Variants in PDLIM5 observed in about 807,000 individuals in gnomAD.
PDLIM5 encodes PDZ and LIM domain protein 5.
PDLIM5 carries 34 observed loss-of-function variants against 64.2 expected under a neutral mutation model. The observed-to-expected ratio is 0.53, with a 90% CI of 0.40 to 0.71. The LOEUF is 0.71. Among genes scored for constraint, PDLIM5 ranks in the 30% least tolerant of loss-of-function variants. The pLI is 0.00. For missense variants in PDLIM5, 683 were observed against 733.6 expected, an observed-to-expected ratio of 0.93 and a Z score of 0.80; for synonymous variants, 253 against 269.1, an observed-to-expected ratio of 0.94 and a Z score of 0.59.
chr4:94,489,059 A>G (rs560496934), intron 2 of PDLIM5: 1 of 152,344 alleles, frequency 6.6e-6, no homozygotes, highest in Non-Finnish European at 1.5e-5. Flanking sequence ...TCCTTTTGGA[A>G]TGGTCATAAA....
intron 2 of PDLIM5, among the ~76,000 whole-genome samples, chr4:94,505,504 T>G (rs1728311698): frequency 6.6e-6 from 1 of 152,088 alleles, no homozygotes; most frequent in African/African-American, 2.4e-5. Context: ...TCAAGTGATC[T>G]GCCCACCTCA....
At chr4:94,532,075 A>G (rs1044510588) in intron 3 of PDLIM5, among the ~76,000 whole-genome samples, 3 of 152,148 alleles carry the variant, frequency 2.0e-5, no homozygotes, top group Non-Finnish European at 4.4e-5. Context: ...CCTATTGACT[A>G]TATTTGCTAG....
rs201779897 is a variant in PDLIM5 at position 94,585,547 on chromosome 4, T to G, written c.711-18T>G. 2.0e-5 allele frequency: 30 copies of G among 1,471,158 alleles called. No homozygotes were observed. The Admixed American group carries it at 6.3e-4, about 31-fold the overall frequency. The allele number at this position is 1,471,158 out of a possible 1,614,324, so 91.1% of individuals were successfully genotyped here. ...ATAACTTTACAATTTTTAATTTTTT[T>G]TTTCTCCTTAACCCTAGCCCACCAA... On this transcript the variant is annotated intron_variant, in intron 5 of 12. Transcript: ENST00000317968.
chr4:94,645,050 T>A (rs1741304878), intron 9 of PDLIM5, among the ~76,000 whole-genome samples: 1 of 152,170 alleles, frequency 6.6e-6, no homozygotes, highest in Admixed American at 6.5e-5. Flanking sequence ...TAATTTGTAG[T>A]CTTTTATCCC....
At chr4:94,617,783 A>C (rs1738906610) in intron 7 of PDLIM5, among the ~76,000 whole-genome samples, 2 of 152,126 alleles carry the variant, frequency 1.3e-5, no homozygotes, top group Non-Finnish European at 2.9e-5. Flanking sequence ...GACCTTTTAG[A>C]AAGAATTTTC....
chr4:94,457,367 C>T (rs980283376), intron 2 of PDLIM5, among the ~76,000 whole-genome samples: 2 of 151,978 alleles, frequency 1.3e-5, no homozygotes, highest in African/African-American at 4.8e-5. Context: ...GTAAAGCATC[C>T]ATGTGAAAAT....
chr4:94,483,325 A>G (rs550369921), intron 2 of PDLIM5, among the ~76,000 whole-genome samples: 8 of 152,314 alleles, frequency 5.3e-5, no homozygotes, highest in Admixed American at 5.2e-4. Context: ...AATTTTCAGC[A>G]TTATATAAAT....
intron 7 of PDLIM5, among the ~76,000 whole-genome samples, chr4:94,586,712 A>G (rs983995452): frequency 1.3e-5 from 2 of 152,162 alleles, no homozygotes; most frequent in African/African-American, 2.4e-5. Context: ...TTTGCTAACA[A>G]TACATATGTC....
chr4:94,617,217 G>A (rs1405452889), intron 7 of PDLIM5, among the ~76,000 whole-genome samples: 1 of 151,794 alleles, frequency 6.6e-6, no homozygotes, highest in Admixed American at 6.6e-5. Context: ...TTTTGGAAAT[G>A]ATGTTATATG....
At chr4:94,616,661 T>A (rs1016906031) in intron 7 of PDLIM5, among the ~76,000 whole-genome samples, 3 of 152,256 alleles carry the variant, frequency 2.0e-5, no homozygotes, top group Non-Finnish European at 4.4e-5. Flanking sequence ...ATTAAAGTGC[T>A]TAAAGTTTTT....
At chr4:94,660,513 T>TTTCCTTCATGG (rs1742609175) in intron 11 of PDLIM5, among the ~76,000 whole-genome samples, 1 of 152,214 alleles carries the variant, frequency 6.6e-6, no homozygotes, top group African/African-American at 2.4e-5. Flanking sequence ...TTCATGGTAC[T>TTTCCTTCATGG]TATCATAATC....
intron 5 of PDLIM5, chr4:94,582,688 T>C (rs761086069): frequency 5.9e-6 from 9 of 1,531,610 alleles, no homozygotes; most frequent in Non-Finnish European, 8.1e-6. Flanking sequence ...CTATCGCATC[T>C]TTTTTTGTGT....
chr4:94,472,695 G>T lies in PDLIM5; in HGVS notation c.96+17311G>T, dbSNP rs558430927. Among the ~76,000 whole-genome samples the T allele has an allele frequency of 9.9e-5, 15 of 152,160 alleles. 1 individual carries two copies. In the East Asian group the frequency reaches 2.9e-3, roughly 29 times the overall value. On this transcript the variant is annotated intron_variant, in intron 2 of 12. Coordinates refer to ENST00000317968, the MANE Select transcript of PDLIM5 (RefSeq NM_006457.5). ...CTAGGATGAGTGCCTCCCTAAATGC[G>T]GCATTTATAGATAAAGTTGGGAGAT...
chr4:94,493,062 G>A (rs561708154), intron 2 of PDLIM5, among the ~76,000 whole-genome samples: 1 of 152,282 alleles, frequency 6.6e-6, no homozygotes, highest in Admixed American at 6.5e-5. Context: ...ATCTTGGTGA[G>A]CATGAAGTGG....
intron 7 of PDLIM5, among the ~76,000 whole-genome samples, chr4:94,595,606 G>A (rs2110338972): frequency 6.6e-6 from 1 of 152,276 alleles, no homozygotes; most frequent in East Asian, 1.9e-4. Flanking sequence ...TGAACATACT[G>A]TTTTGTAAGT....
At chr4:94,547,228 T>G (rs1366375500) in intron 3 of PDLIM5, among the ~76,000 whole-genome samples, 2 of 152,192 alleles carry the variant, frequency 1.3e-5, no homozygotes, top group African/African-American at 4.8e-5. Context: ...TTTATTATTT[T>G]ACAGTTTTGG....
chr4:94,636,756 C>A (rs957661985), intron 8 of PDLIM5, among the ~76,000 whole-genome samples: 3 of 151,970 alleles, frequency 2.0e-5, no homozygotes. Context: ...AGGATGGTCT[C>A]GATCTCCTGA....
chr4:94,609,010 A>T (rs531172334), intron 7 of PDLIM5, among the ~76,000 whole-genome samples: 45 of 152,334 alleles, frequency 3.0e-4, no homozygotes, highest in South Asian at 1.2e-3. Context: ...TCATTTTGAA[A>T]ACATAGCTTG....
chr4:94,452,579 G>C (rs1397083452), intron 1 of PDLIM5, among the ~76,000 whole-genome samples: 1 of 152,252 alleles, frequency 6.6e-6, no homozygotes, highest in Non-Finnish European at 1.5e-5. Context: ...GCTCGTTTAA[G>C]AAACACATTT....
Sources: allele counts gnomAD v4.1 joint callset (sites outside exome capture counted in the v4.1 genomes callset), GRCh38; gene constraint gnomAD v4.1.1; transcripts MANE v1.5; gene names NCBI Gene and HGNC (gene_info 2026-07-23, HGNC 2026-07-21).